Variants in ZNF804B observed in about 807,000 individuals in gnomAD.
The protein encoded by ZNF804B is zinc finger 804B.
ZNF804B carries 80 observed loss-of-function variants against 101.4 expected under a neutral mutation model. That is an observed-to-expected ratio of 0.79 (90% CI 0.66 to 0.95). The LOEUF is 0.95. Among genes scored for constraint, ZNF804B ranks in the 40% least tolerant of loss-of-function variants. The pLI is 0.00. For synonymous variants in ZNF804B, 622 were observed against 558.8 expected (o/e 1.11, Z -1.59); for missense variants, 1,673 against 1,561.9 (o/e 1.07, Z -1.20).
In ZNF804B at chr7:89,160,246, A is replaced by G. The variant is rs1791038379; in HGVS notation, c.109-57909A>G. ...CACATGATATTTTTGTTTACACTCT[A>G]CATCTGTGCCTGTGTGCAATAAATC... On this transcript the variant is annotated intron_variant, in intron 1 of 3. Transcript: ENST00000333190. 3.3e-5 allele frequency among the ~76,000 whole-genome samples: 5 copies of G among 152,124 alleles called. No homozygotes were observed. In the South Asian group the frequency reaches 1.0e-3, roughly 31 times the overall value.
chr7:89,012,927 G>A (rs564716029), intron 1 of ZNF804B, among the ~76,000 whole-genome samples: 1 of 152,300 alleles, frequency 6.6e-6, no homozygotes, highest in East Asian at 1.9e-4. Flanking sequence ...AGTTCCTTAT[G>A]GCTGGGTAGC....
intron 2 of ZNF804B, among the ~76,000 whole-genome samples, chr7:89,252,889 G>A (rs1216077912): frequency 1.3e-5 from 2 of 152,104 alleles, no homozygotes; most frequent in African/African-American, 2.4e-5. Flanking sequence ...TGGGGAAGGA[G>A]GGGGACAATT....
chr7:89,004,929 C>A (rs1318579239), intron 1 of ZNF804B, among the ~76,000 whole-genome samples: 1 of 151,846 alleles, frequency 6.6e-6, no homozygotes, highest in Non-Finnish European at 1.5e-5. Flanking sequence ...TTTTGTGTAT[C>A]AGATTTCTGA....
chr7:89,171,740 A>G (rs1235764689), intron 1 of ZNF804B, among the ~76,000 whole-genome samples: 1 of 152,096 alleles, frequency 6.6e-6, no homozygotes, highest in East Asian at 1.9e-4. Flanking sequence ...GGGCAGCTCC[A>G]TATTTTTATA....
intron 1 of ZNF804B, among the ~76,000 whole-genome samples, chr7:88,881,533 C>A (rs902905828): frequency 6.6e-6 from 1 of 152,170 alleles, no homozygotes; most frequent in African/African-American, 2.4e-5. Context: ...TAAAGTTCTT[C>A]AGTCCAAGAC....
At chr7:89,059,680 ATAGTT>A (rs1424002683) in intron 1 of ZNF804B, among the ~76,000 whole-genome samples, 1 of 152,186 alleles carries the variant, frequency 6.6e-6, no homozygotes, top group Non-Finnish European at 1.5e-5. Flanking sequence ...GAAATAAAAT[ATAGTT>A]TAAAGACATA....
In ZNF804B at chr7:88,926,947, G is replaced by GGGGC. The variant is rs1554346853; in HGVS notation, c.108+166865_108+166866insGCGG. 3.1e-4 allele frequency among the ~76,000 whole-genome samples: 46 copies of GGGGC among 150,168 alleles called. 2 individuals are homozygous for GGGGC. Among genetic ancestry groups the GGGGC allele is most frequent in the African/African-American group, 1.1e-3 (45 of 40,842 alleles). On this transcript the variant is annotated intron_variant, in intron 1 of 3. Coordinates refer to ENST00000333190, the MANE Select transcript of ZNF804B (RefSeq NM_181646.5). ...TGTCTGCCGGGTGGTGGGGAGCGGG[G>GGGGC]GGAAAGCTGTTCTGTAGTTTGTTGT...
At chr7:89,191,297 A>G (rs1031367363) in intron 1 of ZNF804B, among the ~76,000 whole-genome samples, 1 of 152,170 alleles carries the variant, frequency 6.6e-6, no homozygotes, top group African/African-American at 2.4e-5. Context: ...TTGTCAATAT[A>G]TTTAATTTCC....
At chr7:89,286,090 G>A (rs944046055) in intron 2 of ZNF804B, among the ~76,000 whole-genome samples, 3 of 152,166 alleles carry the variant, frequency 2.0e-5, no homozygotes, top group Non-Finnish European at 4.4e-5. Flanking sequence ...TTCTTTTGAT[G>A]TTGAAAAATG....
chr7:89,035,116 C>T lies in ZNF804B; in HGVS notation c.109-183039C>T, dbSNP rs538241094. Among the ~76,000 whole-genome samples, 341 of 152,112 alleles carry T rather than the reference C, an allele frequency of 2.2e-3. 1 individual carries two copies. Among genetic ancestry groups the T allele is most frequent in the African/African-American group, 7.4e-3 (309 of 41,504 alleles). On this transcript the variant is annotated intron_variant, in intron 1 of 3. Transcript: ENST00000333190. ...ATGGTGAAAGGAGTATTTTAGAAGACGAGATTTTACCTAAATTTTCAATAA... is the reference window on the plus strand; with the variant it reads ...ATGGTGAAAGGAGTATTTTAGAAGATGAGATTTTACCTAAATTTTCAATAA...
At chr7:88,915,133 T>A (rs1792613628) in intron 1 of ZNF804B, among the ~76,000 whole-genome samples, 4 of 152,118 alleles carry the variant, frequency 2.6e-5, no homozygotes, top group African/African-American at 9.6e-5. Flanking sequence ...ATCAATCACA[T>A]TTTAAGAGAA....
At chr7:89,156,895 C>T (rs1281472992) in intron 1 of ZNF804B, among the ~76,000 whole-genome samples, 1 of 152,034 alleles carries the variant, frequency 6.6e-6, no homozygotes, top group Non-Finnish European at 1.5e-5. Flanking sequence ...TATTTAATTG[C>T]TGCATTAAGA....
intron 1 of ZNF804B, 25 bp downstream of exon 1, chr7:88,760,109 C>A: frequency 6.4e-7 from 1 of 1,570,850 alleles, no homozygotes; most frequent in Non-Finnish European, 8.8e-7. Flanking sequence ...CACACACATA[C>A]ATACACAAAC....
At chr7:88,852,201 A>G (rs1791458401) in intron 1 of ZNF804B, among the ~76,000 whole-genome samples, 1 of 152,148 alleles carries the variant, frequency 6.6e-6, no homozygotes, top group Non-Finnish European at 1.5e-5. Flanking sequence ...AAGAGCATCC[A>G]TCATGATGTA....
At chr7:89,166,509 G>C (rs943113351) in intron 1 of ZNF804B, among the ~76,000 whole-genome samples, 2 of 152,164 alleles carry the variant, frequency 1.3e-5, no homozygotes, top group African/African-American at 4.8e-5. Flanking sequence ...TGTGTTGTCT[G>C]TTTGCAAGAC....
intron 1 of ZNF804B, among the ~76,000 whole-genome samples, chr7:88,812,739 T>G (rs1348522647): frequency 2.6e-5 from 4 of 152,108 alleles, no homozygotes; most frequent in Non-Finnish European, 5.9e-5. Context: ...GGAAATCCTG[T>G]CACACACTAC....
chr7:89,195,144 C>A (rs1199131032), intron 1 of ZNF804B, among the ~76,000 whole-genome samples: 1 of 151,068 alleles, frequency 6.6e-6, no homozygotes, highest in East Asian at 1.9e-4. Flanking sequence ...CAACAACCTT[C>A]ATGCTAAAAA....
chr7:89,103,430 G>C (rs1342748503), intron 1 of ZNF804B, among the ~76,000 whole-genome samples: 1 of 151,518 alleles, frequency 6.6e-6, no homozygotes, highest in Non-Finnish European at 1.5e-5. Flanking sequence ...TCTTCTTGTA[G>C]AGATATTCCA....
intron 1 of ZNF804B, among the ~76,000 whole-genome samples, chr7:89,163,675 A>T (rs1791101129): frequency 6.6e-6 from 1 of 152,058 alleles, no homozygotes; most frequent in Non-Finnish European, 1.5e-5. Flanking sequence ...GCAAAAAAAA[A>T]TGTATTTTTA....
Sources: allele counts gnomAD v4.1 joint callset (sites outside exome capture counted in the v4.1 genomes callset), GRCh38; gene constraint gnomAD v4.1.1; transcripts MANE v1.5; gene names NCBI Gene and HGNC (gene_info 2026-07-23, HGNC 2026-07-21).